The following SBF2 variants were observed in gnomAD, a reference collection of about 807,000 sequenced individuals.
SBF2 encodes SET binding factor 2, also known as myotubularin-related protein 13.
In SBF2, 112 loss-of-function variants were observed where a neutral mutation model predicts 225.2. The ratio of observed to expected loss-of-function variants is 0.50; its 90% confidence interval spans 0.43 to 0.58. The LOEUF (loss-of-function observed/expected upper bound fraction) is 0.58, where lower values mean the gene tolerates loss of function less well. SBF2 is among the 20% of genes least tolerant of loss of function. The pLI is 0.00. For missense variants in SBF2, 1,996 were observed against 2,206.2 expected (o/e 0.90, Z 1.91); for synonymous variants, 763 against 773.3 (o/e 0.99, Z 0.22).
chr11:9,862,337 T>C (rs1444157824), intron 17 of SBF2, among the ~76,000 whole-genome samples: 1 of 152,242 alleles, frequency 6.6e-6, no homozygotes, highest in African/African-American at 2.4e-5. Context: ...CACTTTATTC[T>C]GCCTAGACTC....
At chr11:10,098,970 T>C (rs1434311705) in intron 2 of SBF2, among the ~76,000 whole-genome samples, 1 of 152,022 alleles carries the variant, frequency 6.6e-6, no homozygotes, top group African/African-American at 2.4e-5. Context: ...AAAGGATTTA[T>C]GGGACAAAAT....
chr11:10,131,378 T>C (rs1379501186), intron 2 of SBF2, among the ~76,000 whole-genome samples: 1 of 152,126 alleles, frequency 6.6e-6, no homozygotes, highest in East Asian at 1.9e-4. Flanking sequence ...TTTGTGTCTT[T>C]TGCACATTTT....
At chr11:10,038,762 C>T (rs1423066411) in intron 3 of SBF2, among the ~76,000 whole-genome samples, 3 of 151,806 alleles carry the variant, frequency 2.0e-5, no homozygotes, top group Non-Finnish European at 3.0e-5. Context: ...TTTGATGACA[C>T]ACCAAATGTT....
intron 1 of SBF2, among the ~76,000 whole-genome samples, chr11:10,237,271 T>G (rs909735180): frequency 6.6e-6 from 1 of 152,098 alleles, no homozygotes; most frequent in African/African-American, 2.4e-5. Flanking sequence ...CACTTGAGCC[T>G]GGGAGGCAGA....
At chr11:9,795,998 G>C (rs1026080422) in intron 32 of SBF2, 41 bp from the exon 33 acceptor site, 1 of 1,605,850 alleles carries the variant, frequency 6.2e-7, no homozygotes, top group Non-Finnish European at 8.5e-7. Flanking sequence ...GAATCAAACA[G>C]AACAAAAAGT....
intron 2 of SBF2, among the ~76,000 whole-genome samples, chr11:10,141,775 A>T (rs1253817501): frequency 6.6e-6 from 1 of 152,164 alleles, no homozygotes; most frequent in Non-Finnish European, 1.5e-5. Flanking sequence ...AAGACTCCCC[A>T]ACTGATACAT....
At chr11:9,995,893 C>G (rs1947678806) in intron 9 of SBF2, among the ~76,000 whole-genome samples, 1 of 150,558 alleles carries the variant, frequency 6.6e-6, no homozygotes, top group Non-Finnish European at 1.5e-5. Context: ...CTCCTGACCT[C>G]AGATGATCCG....
intron 9 of SBF2, among the ~76,000 whole-genome samples, chr11:9,995,659 T>G (rs1156515879): frequency 1.3e-5 from 2 of 151,774 alleles, no homozygotes; most frequent in African/African-American, 4.8e-5. Flanking sequence ...CTTTTTTTTT[T>G]TTTATTTTGA....
In SBF2 at chr11:9,808,403, G is replaced by C; in HGVS notation, c.4258-218C>G. 8 of 591,264 alleles carry C rather than the reference G, an allele frequency of 1.4e-5. No individual in the cohort carries two copies. In the South Asian group the frequency reaches 1.6e-4, roughly 12 times the overall value. 36.6% of individuals were successfully genotyped at this position (591,264 alleles called of 1,614,324 possible). ...CATTTTGGCTACAAGTTTACTTTCA[G>C]GGAATTGAGACTTTAATCCTTAACT... On this transcript the variant is annotated intron_variant, in intron 31 of 39. Coordinates refer to ENST00000256190, the MANE Select transcript of SBF2 (RefSeq NM_030962.4).
intron 26 of SBF2, among the ~76,000 whole-genome samples, chr11:9,834,077 CTTTT>C (rs1425621377): frequency 6.6e-6 from 1 of 151,046 alleles, no homozygotes; most frequent in Admixed American, 6.6e-5. Context: ...CCCATGGTAT[CTTTT>C]TATTTATTTT....
intron 1 of SBF2, among the ~76,000 whole-genome samples, chr11:10,199,631 T>G (rs1259906145): frequency 6.6e-6 from 1 of 152,060 alleles, no homozygotes; most frequent in East Asian, 1.9e-4. Flanking sequence ...GTCAGAAAAT[T>G]TGAAGCAAAA....
chr11:9,802,136 C>T (rs1002585085), intron 32 of SBF2, among the ~76,000 whole-genome samples: 2 of 152,152 alleles, frequency 1.3e-5, no homozygotes, highest in African/African-American at 4.8e-5. Flanking sequence ...TCATACTATT[C>T]ATGTTTTCTC....
rs1857451444 is a variant in SBF2, at chr11:9,858,126, G to A, written c.2100+100C>T. On this transcript the variant is annotated intron_variant, in intron 18 of 39. Transcript: ENST00000256190. ...CCCTAAATAAAACCCAAATACACTG[G>A]CAGGAAGTAGCTAGAGTTTTTTTTG... 6.9e-6 allele frequency: 9 copies of A among 1,313,450 alleles called. No homozygotes were observed. In the South Asian group the frequency reaches 9.4e-5, roughly 14 times the overall value. The allele number at this position is 1,313,450 out of a possible 1,614,324, so 81.4% of individuals were successfully genotyped here.
chr11:10,070,461 A>T (rs1051901687), intron 2 of SBF2, among the ~76,000 whole-genome samples: 2 of 152,116 alleles, frequency 1.3e-5, no homozygotes, highest in African/African-American at 4.8e-5. Context: ...CACAGATCAG[A>T]TGGTTGTAGG....
Position 9,861,781 on chromosome 11 carries a change from AG to A in SBF2, c.1930-3386del, listed in dbSNP as rs372393333. Reference sequence around the variant, plus strand: ...CCTCGGCCTTCCAAAGTGCTGGGATAGGATTAGGCCACCAAGTGTGGCCCAA... The same window carrying A: ...CCTCGGCCTTCCAAAGTGCTGGGATAGATTAGGCCACCAAGTGTGGCCCAA... On this transcript the variant is annotated intron_variant, in intron 17 of 39. Coordinates refer to ENST00000256190, the MANE Select transcript of SBF2 (RefSeq NM_030962.4). Among the ~76,000 whole-genome samples the A allele has an allele frequency of 3.7e-4, 56 of 152,236 alleles. No individual in the cohort carries two copies. In the South Asian group the frequency reaches 4.8e-3, roughly 13 times the overall value.
At chr11:10,162,985 CTA>C (rs66730291) in intron 2 of SBF2, among the ~76,000 whole-genome samples, 14,580 of 152,070 alleles carry the variant, frequency 0.096, 953 homozygotes, top group East Asian at 0.28. Flanking sequence ...AAATTGCTTC[CTA>C]TATGTTTCAT....
intron 2 of SBF2, among the ~76,000 whole-genome samples, chr11:10,152,016 T>C (rs553691341): frequency 1.3e-5 from 2 of 152,326 alleles, no homozygotes; most frequent in South Asian, 2.1e-4. Flanking sequence ...TTAGTTCTTG[T>C]TTTTCTCTAA....
At chr11:10,291,691 C>G (rs1417879155) in intron 1 of SBF2, among the ~76,000 whole-genome samples, 1 of 139,822 alleles carries the variant, frequency 7.2e-6, no homozygotes, top group Non-Finnish European at 1.6e-5. Context: ...CACACACACA[C>G]ACACACAGAC....
At chr11:10,106,519 G>A (rs1279246059) in intron 2 of SBF2, among the ~76,000 whole-genome samples, 1 of 151,718 alleles carries the variant, frequency 6.6e-6, no homozygotes, top group Non-Finnish European at 1.5e-5. Context: ...GTCCCAGGTG[G>A]CGTATGCCTG....
Sources: gnomAD v4.1 joint callset for allele counts (sites outside exome capture counted in the v4.1 genomes callset) on GRCh38, gnomAD v4.1.1 for gene constraint, MANE v1.5 for transcripts, NCBI Gene and HGNC (gene_info 2026-07-23, HGNC 2026-07-21) for gene names.